Variants in SOX5 observed in about 807,000 individuals in gnomAD.
The protein encoded by SOX5 is SRY-box transcription factor 5, also known as transcription factor SOX-5.
SOX5 carries 9 observed loss-of-function variants against 92.0 expected under a neutral mutation model. That is an observed-to-expected ratio of 0.10 (90% CI 0.06 to 0.17). The LOEUF (loss-of-function observed/expected upper bound fraction) is 0.17. Among genes scored for constraint, SOX5 ranks in the 10% least tolerant of loss-of-function variants. The pLI, the probability that SOX5 is intolerant of heterozygous loss-of-function variation, is 1.00. For missense variants in SOX5, 642 were observed against 944.5 expected (o/e 0.68, Z 4.20); for synonymous variants, 344 against 336.3 (o/e 1.02, Z -0.25).
chr12:24,059,094 A>G (rs1939162357), intron 4 of SOX5, among the ~76,000 whole-genome samples: 1 of 151,954 alleles, frequency 6.6e-6, no homozygotes, highest in South Asian at 2.1e-4. Flanking sequence ...TACTCTCTAC[A>G]TAATTATATA....
At chr12:23,895,384 T>C (rs962663316) in intron 2 of SOX5, among the ~76,000 whole-genome samples, 19 of 151,954 alleles carry the variant, frequency 1.3e-4, no homozygotes, top group African/African-American at 4.6e-4. Flanking sequence ...AAGCAAAAAA[T>C]AGAATAACAC....
chr12:24,497,933 CA>C (rs1394744292), intron 1 of SOX5, among the ~76,000 whole-genome samples: 1 of 152,120 alleles, frequency 6.6e-6, no homozygotes, highest in Non-Finnish European at 1.5e-5. Context: ...TTATCTTCAG[CA>C]AACTAATGCA....
At chr12:23,710,702 C>T (rs2091964293) in intron 6 of SOX5, among the ~76,000 whole-genome samples, 1 of 152,152 alleles carries the variant, frequency 6.6e-6, no homozygotes, top group African/African-American at 2.4e-5. Flanking sequence ...AATAAACAAA[C>T]GTGTGCATGT....
chr12:24,446,858 C>T (rs1195779730), intron 1 of SOX5, among the ~76,000 whole-genome samples: 1 of 152,074 alleles, frequency 6.6e-6, no homozygotes, highest in African/African-American at 2.4e-5. Context: ...TGAAAAAACA[C>T]AGAGGGAAAC....
rs112175914 is a variant in SOX5, at chr12:23,879,687, G to C, written c.270+16106C>G. 5.6e-3 allele frequency among the ~76,000 whole-genome samples: 857 copies of C among 152,252 alleles called. 4 individuals are homozygous for C. Among genetic ancestry groups the C allele is most frequent in the South Asian group, 0.016 (77 of 4,826 alleles). ...GGTGGGAAGGAGACAGTGAGTAGGAGAAAACAACTTATCAAGAAAAATGGA... is the reference window on the plus strand; with the variant it reads ...GGTGGGAAGGAGACAGTGAGTAGGACAAAACAACTTATCAAGAAAAATGGA... On this transcript the variant is annotated intron_variant, in intron 2 of 14. Transcript: ENST00000451604.
At chr12:24,198,497 C>T (rs1182306174) in intron 4 of SOX5, among the ~76,000 whole-genome samples, 1 of 152,160 alleles carries the variant, frequency 6.6e-6, no homozygotes, top group Non-Finnish European at 1.5e-5. Context: ...TCCATGTGAA[C>T]TCACTGTAAG....
At chr12:24,443,527 G>A (rs577162321) in intron 1 of SOX5, among the ~76,000 whole-genome samples, 101 of 152,194 alleles carry the variant, frequency 6.6e-4, no homozygotes, top group African/African-American at 2.3e-3. Context: ...ACATAAACTA[G>A]GTTCCTACAA....
At chr12:23,680,045 G>C (rs2086327250) in intron 6 of SOX5, among the ~76,000 whole-genome samples, 1 of 151,782 alleles carries the variant, frequency 6.6e-6, no homozygotes, top group African/African-American at 2.4e-5. Context: ...ATAATAACAG[G>C]CCGGGCATGG....
chr12:23,727,959 C>T (rs532409675), intron 6 of SOX5, among the ~76,000 whole-genome samples: 2 of 152,060 alleles, frequency 1.3e-5, no homozygotes, highest in African/African-American at 4.8e-5. Context: ...GACAGGTTTG[C>T]CTAGACAGAG....
chr12:23,752,763 C>T (rs2094220382), intron 4 of SOX5, among the ~76,000 whole-genome samples: 1 of 151,842 alleles, frequency 6.6e-6, no homozygotes, highest in South Asian at 2.1e-4. Flanking sequence ...TACTACATCG[C>T]TTATAAGTAA....
intron 4 of SOX5, among the ~76,000 whole-genome samples, chr12:23,961,263 T>C (rs920324484): frequency 6.6e-5 from 10 of 152,216 alleles, no homozygotes; most frequent in Non-Finnish European, 1.3e-4. Flanking sequence ...CTATTGAATA[T>C]ACTCTATAAT....
intron 2 of SOX5, among the ~76,000 whole-genome samples, chr12:23,881,045 A>G (rs2096983249): frequency 1.3e-5 from 2 of 152,152 alleles, no homozygotes; most frequent in African/African-American, 4.8e-5. Flanking sequence ...AAATGCTTTA[A>G]GCCTATAGAG....
chr12:24,182,518 A>C (rs1955602831), intron 4 of SOX5, among the ~76,000 whole-genome samples: 1 of 152,032 alleles, frequency 6.6e-6, no homozygotes, highest in African/African-American at 2.4e-5. Context: ...CCAGATTAGG[A>C]TTTTGTTGTT....
chr12:23,895,342 G>A (rs997940064), intron 2 of SOX5, among the ~76,000 whole-genome samples: 1 of 151,764 alleles, frequency 6.6e-6, no homozygotes, highest in Non-Finnish European at 1.5e-5. Flanking sequence ...TCTAAGTACT[G>A]TTAGGGAATA....
At chr12:24,266,134 G>C (rs191026345) in intron 3 of SOX5, among the ~76,000 whole-genome samples, 1 of 149,266 alleles carries the variant, frequency 6.7e-6, no homozygotes, top group African/African-American at 2.5e-5. Context: ...GGCTGGTTTC[G>C]AACTCCTGGA....
chr12:24,076,685 A>G (rs1365182676), intron 4 of SOX5, among the ~76,000 whole-genome samples: 2 of 149,552 alleles, frequency 1.3e-5, no homozygotes, highest in South Asian at 2.1e-4. Flanking sequence ...ATACTAAAAA[A>G]GATCCAAAGC....
rs1260905256 is a variant in SOX5 at position 23,806,600 on chromosome 12, A to G, written c.481+39383T>C. Among the ~76,000 whole-genome samples, 1,013 of 112,176 alleles carry G rather than the reference A, an allele frequency of 9.0e-3. 7 individuals carry two copies. The highest frequency in any genetic ancestry group is 0.035 in the African/African-American group (966 of 27,550). 73.6% of individuals were successfully genotyped at this position (112,176 alleles called of 152,430 possible). Reference sequence around the variant, plus strand: ...TTTCCACTAAAAAAAAAAAAAAAAGAAAAAAAAAACTTTTCCTAAAACAAG... The same window carrying G: ...TTTCCACTAAAAAAAAAAAAAAAAGGAAAAAAAAACTTTTCCTAAAACAAG... On this transcript the variant is annotated intron_variant, in intron 3 of 14. Coordinates refer to ENST00000451604, the MANE Select transcript of SOX5 (RefSeq NM_006940.6).
At chr12:24,145,922 A>G (rs890484499) in intron 4 of SOX5, among the ~76,000 whole-genome samples, 7 of 152,234 alleles carry the variant, frequency 4.6e-5, no homozygotes, top group African/African-American at 1.7e-4. Flanking sequence ...GAAGAGGTCA[A>G]TTTATCAAGA....
At chr12:23,688,475 C>T (rs1026295094) in intron 6 of SOX5, among the ~76,000 whole-genome samples, 5 of 152,000 alleles carry the variant, frequency 3.3e-5, no homozygotes, top group African/African-American at 1.2e-4. Flanking sequence ...TTAGATTCAC[C>T]TGACTGCATA....
Sources: allele counts gnomAD v4.1 joint callset (sites outside exome capture counted in the v4.1 genomes callset), GRCh38; gene constraint gnomAD v4.1.1; transcripts MANE v1.5; gene names NCBI Gene and HGNC (gene_info 2026-07-23, HGNC 2026-07-21).